The following KDM3A variants were observed in gnomAD, a reference collection of about 807,000 sequenced individuals.
KDM3A encodes lysine-specific demethylase 3A.
Under a neutral mutation model 158.0 loss-of-function variants are expected in KDM3A, and 60 were observed. That is an observed-to-expected ratio of 0.38 (90% CI 0.31 to 0.47). KDM3A has a LOEUF of 0.47. Ranked by LOEUF, KDM3A falls within the 20% of genes least tolerant of loss-of-function variation. The pLI is 0.99. For missense variants in KDM3A, 1,319 were observed against 1,574.3 expected, an observed-to-expected ratio of 0.84 and a Z score of 2.74; for synonymous variants, 608 against 549.3, an observed-to-expected ratio of 1.11 and a Z score of -1.49.
At chr2:86,486,933 C>T (rs557403375) in intron 21 of KDM3A, 1 of 152,458 alleles carries the variant, frequency 6.6e-6, no homozygotes, top group African/African-American at 2.4e-5. Context: ...TGAGAAGACC[C>T]GGTGGGCACA....
chr2:86,467,855 C>T (rs1174311697), intron 10 of KDM3A, among the ~76,000 whole-genome samples: 1 of 151,786 alleles, frequency 6.6e-6, no homozygotes, highest in African/African-American at 2.4e-5. Flanking sequence ...ACCCCATCTC[C>T]ACAAAAAATT....
chr2:86,473,925 G>A (rs1673530907), intron 11 of KDM3A, among the ~76,000 whole-genome samples: 1 of 152,182 alleles, frequency 6.6e-6, no homozygotes, highest in Non-Finnish European at 1.5e-5. Context: ...CAGAAGCTTG[G>A]ACGGTAACGT....
intron 2 of KDM3A, among the ~76,000 whole-genome samples, chr2:86,446,497 T>G (rs2104623206): frequency 6.6e-6 from 1 of 152,138 alleles, no homozygotes; most frequent in Middle Eastern, 3.4e-3. Context: ...GGTCAGGAGG[T>G]CAGGAGTTCA....
At chr2:86,438,758 T>C (rs1682537374), upstream of KDM3A, among the ~76,000 whole-genome samples, 1 of 152,176 alleles carries the variant, frequency 6.6e-6, no homozygotes, top group Admixed American at 6.5e-5. Context: ...TAACCATTAC[T>C]GTAAGTTTTA....
At position 86,483,979 on chromosome 2, in the gene KDM3A, T is replaced by C; in HGVS notation, c.2923-8T>C. 1.2e-6 allele frequency: 2 copies of C among 1,605,362 alleles called. No homozygotes were observed. Among genetic ancestry groups the C allele is most frequent in the Non-Finnish European group, 8.5e-7 (1 of 1,176,142 alleles). On this transcript the variant is annotated splice_polypyrimidine_tract_variant and splice_region_variant and intron_variant, in intron 18 of 25. Coordinates refer to ENST00000312912, the MANE Select transcript of KDM3A (RefSeq NM_018433.6). ...GTTCAGACTAAAGTTTTCCTTCTCTTCATTTAGCCAGTGATGGTGTCTGGA... is the reference window on the plus strand; with the variant it reads ...GTTCAGACTAAAGTTTTCCTTCTCTCCATTTAGCCAGTGATGGTGTCTGGA...
chr2:86,459,256 T>C (rs1231555488), intron 8 of KDM3A, among the ~76,000 whole-genome samples: 1 of 152,182 alleles, frequency 6.6e-6, no homozygotes, highest in African/African-American at 2.4e-5. Context: ...TGGCCAGGAC[T>C]ACACAGAGGA....
chr2:86,472,131 T>C (rs1673446411), intron 11 of KDM3A, among the ~76,000 whole-genome samples: 1 of 149,828 alleles, frequency 6.7e-6, no homozygotes, highest in South Asian at 2.1e-4. Flanking sequence ...AATTTTTTTT[T>C]CTTTCTTTTG....
At chr2:86,438,687 AAAT>A (rs1400030075), upstream of KDM3A, among the ~76,000 whole-genome samples, 4 of 152,106 alleles carry the variant, frequency 2.6e-5, no homozygotes, top group Non-Finnish European at 5.9e-5. Context: ...TTAGAATTAC[AAAT>A]AATATGTGTT....
At position 86,470,222 on chromosome 2, in the gene KDM3A, T is replaced by C; in HGVS notation, c.1538T>C (p.Val513Ala). The C allele has an allele frequency of 6.2e-7, 1 of 1,614,008 alleles. No homozygotes were observed. The highest frequency in any genetic ancestry group is 8.5e-7 in the Non-Finnish European group (1 of 1,179,962). The change falls in exon 11 of 26, where the codon GTT becomes GCT. Residue 513 changes from valine (V) to alanine (A), a missense_variant. Coordinates refer to ENST00000312912, the MANE Select transcript of KDM3A (RefSeq NM_018433.6). ...TTCCTAGCCCCATCCAGGAAGTCGG[T>C]TTTGACAGACCCAGCTAAACTCAAA... is the stretch of plus-strand genomic sequence containing the variant. Reference protein sequence around the residue: ...KIQNAPSRKSVLTDPAKLKKL... With the variant: ...KIQNAPSRKSALTDPAKLKKL...
chr2:86,489,855 AAAAG>A (rs1324717815), intron 23 of KDM3A, 196 bp downstream of exon 23: 1 of 489,138 alleles, frequency 2.0e-6, no homozygotes. Flanking sequence ...CACTTCTAAA[AAAAG>A]CAGGCCTTGT....
At chr2:86,485,642 T>G (rs951498992) in intron 20 of KDM3A, 87 bp from the exon 21 acceptor site, 1 of 1,489,260 alleles carries the variant, frequency 6.7e-7, no homozygotes, top group Non-Finnish European at 9.3e-7. Context: ...ATTTGTTCCT[T>G]TTGGTGTAGA....
At chr2:86,491,555 C>T (rs1674455294) in intron 25 of KDM3A, 1 of 426,890 alleles carries the variant, frequency 2.3e-6, no homozygotes, top group East Asian at 4.2e-5. Context: ...GACTTCTGAT[C>T]TTGGCCCAGC....
intron 11 of KDM3A, among the ~76,000 whole-genome samples, chr2:86,470,813 A>G (rs1249964361): frequency 1.3e-5 from 2 of 152,084 alleles, no homozygotes; most frequent in Admixed American, 1.3e-4. Flanking sequence ...CATAGTAGGA[A>G]CCTCTTGATC....
intron 3 of KDM3A, among the ~76,000 whole-genome samples, chr2:86,450,801 C>G (rs886687174): frequency 6.6e-6 from 1 of 152,034 alleles, no homozygotes; most frequent in African/African-American, 2.4e-5. Context: ...AAAACACAGG[C>G]CTGTCTCCCC....
chr2:86,444,120 C>T (rs547317356), intron 2 of KDM3A, among the ~76,000 whole-genome samples: 42 of 152,304 alleles, frequency 2.8e-4, no homozygotes, highest in African/African-American at 9.4e-4. Flanking sequence ...TTTTAAATCT[C>T]CTCCCTCCGC....
At chr2:86,483,114 G>A (rs187853493) in intron 18 of KDM3A, 237 of 174,966 alleles carry the variant, frequency 1.4e-3, no homozygotes, top group Admixed American at 0.011. Context: ...GGCTAGGGCC[G>A]CGTGGTGTCA....
Position 86,462,321 on chromosome 2 carries a change from C to T in KDM3A, c.844-1732C>T, listed in dbSNP as rs1306283605. Among the ~76,000 whole-genome samples, 5 of 151,714 alleles carry T rather than the reference C, an allele frequency of 3.3e-5. No homozygotes were observed. The East Asian group carries it at 9.7e-4, about 29-fold the overall frequency. ...AGAGTGAGGAAAGGTATTAGTGCAT[C>T]AATTCTAAACATATTCAGAATAAGG... On this transcript the variant is annotated intron_variant, in intron 8 of 25. Coordinates refer to ENST00000312912, the MANE Select transcript of KDM3A (RefSeq NM_018433.6).
chr2:86,441,206 ATTGT>A (rs764222786), upstream of KDM3A: 4 of 151,902 alleles, frequency 2.6e-5, no homozygotes, highest in Non-Finnish European at 4.4e-5. Flanking sequence ...CAGCCAAGGA[ATTGT>A]TTTTTTCTCT....
rs755726710 is a variant in KDM3A, at chr2:86,478,185, C to A, written c.2108C>A (p.Thr703Asn). 1 of 1,614,000 alleles carries A rather than the reference C, an allele frequency of 6.2e-7. No homozygotes were observed. The highest frequency in any genetic ancestry group is 8.5e-7 in the Non-Finnish European group (1 of 1,179,846). The change falls in exon 14 of 26, where the codon ACT becomes AAT. Residue 703 changes from threonine to asparagine, a missense_variant. By Grantham distance (65) the Thr-to-Asn change is moderately conservative. Transcript: ENST00000312912. ...TTATTTGCAGGTGCTGCTTACAAGA[C>A]TTTCTCTTGGCTAAAATGTGTGAAG... is the stretch of plus-strand genomic sequence containing the variant. ...KNCQQGAAYK[T>N]FSWLKCVKSQ...
Sources: gnomAD v4.1 joint callset for allele counts (sites outside exome capture counted in the v4.1 genomes callset) on GRCh38, gnomAD v4.1.1 for gene constraint, MANE v1.5 for transcripts, NCBI Gene and HGNC (gene_info 2026-07-23, HGNC 2026-07-21) for gene names.